Variants in DCDC1 observed in about 807,000 individuals in gnomAD.
DCDC1 encodes doublecortin domain containing 1.
DCDC1 carries 200 observed loss-of-function variants against 178.3 expected under a neutral mutation model. That is an observed-to-expected ratio of 1.12 (90% confidence interval 1.00 to 1.26). The LOEUF (loss-of-function observed/expected upper bound fraction) is 1.26, where lower values mean the gene tolerates loss of function less well. Among genes scored for constraint, DCDC1 ranks in the 50% most tolerant of loss-of-function variants. DCDC1 has a pLI of 0.00. For synonymous variants in DCDC1, 690 were observed against 604.8 expected (o/e 1.14, Z -2.07); for missense variants, 1,983 against 1,749.2 (o/e 1.13, Z -2.38).
intron 20 of DCDC1, among the ~76,000 whole-genome samples, chr11:31,023,915 G>T (rs1953057382): frequency 6.6e-6 from 1 of 151,888 alleles, no homozygotes; most frequent in Non-Finnish European, 1.5e-5. Context: ...GTTGAATTTG[G>T]GAAGGAAATC....
chr11:31,268,318 T>A (rs1945316799), intron 7 of DCDC1, among the ~76,000 whole-genome samples: 1 of 152,158 alleles, frequency 6.6e-6, no homozygotes, highest in East Asian at 1.9e-4. Flanking sequence ...TTCAGTAATT[T>A]AAAAAAATTA....
chr11:31,066,053 T>C (rs1956232735), intron 18 of DCDC1, among the ~76,000 whole-genome samples: 1 of 152,202 alleles, frequency 6.6e-6, no homozygotes, highest in Admixed American at 6.5e-5. Flanking sequence ...TTCAGGCTAA[T>C]ATGACCCTTC....
chr11:31,366,304 G>A (rs1186069395), intron 1 of DCDC1, among the ~76,000 whole-genome samples: 1 of 152,108 alleles, frequency 6.6e-6, no homozygotes, highest in Non-Finnish European at 1.5e-5. Flanking sequence ...ATAAGATACT[G>A]AGAAACAAAA....
At chr11:30,899,873 C>T (rs529745294) in intron 33 of DCDC1, among the ~76,000 whole-genome samples, 19 of 152,152 alleles carry the variant, frequency 1.2e-4, no homozygotes, top group African/African-American at 4.6e-4. Context: ...TATAGATTTA[C>T]CATATGCAAT....
intron 1 of DCDC1, among the ~76,000 whole-genome samples, chr11:31,343,973 T>C (rs1489597945): frequency 6.6e-6 from 1 of 152,088 alleles, no homozygotes; most frequent in African/African-American, 2.4e-5. Context: ...TTCAAGATGC[T>C]TTCAGTAGGA....
chr11:31,111,549 T>C (rs1322751048), intron 11 of DCDC1, among the ~76,000 whole-genome samples: 1 of 152,146 alleles, frequency 6.6e-6, no homozygotes, highest in Non-Finnish European at 1.5e-5. Context: ...TATTTTTAAG[T>C]AATAATCCTG....
At chr11:30,869,803 C>T (rs1350659907) in intron 38 of DCDC1, among the ~76,000 whole-genome samples, 1 of 152,150 alleles carries the variant, frequency 6.6e-6, no homozygotes, top group Non-Finnish European at 1.5e-5. Flanking sequence ...CAGGGGACCT[C>T]CGGATTCCAA....
chr11:31,151,039 G>GCCTA (rs1306036897), intron 9 of DCDC1, among the ~76,000 whole-genome samples: 2 of 152,316 alleles, frequency 1.3e-5, no homozygotes, highest in East Asian at 3.9e-4. Context: ...GATACTCACT[G>GCCTA]CCTACTCTGT....
chr11:31,174,576 A>C (rs977676476), intron 9 of DCDC1, among the ~76,000 whole-genome samples: 2 of 152,186 alleles, frequency 1.3e-5, no homozygotes, highest in Non-Finnish European at 1.5e-5. Flanking sequence ...ACTCAGGGAA[A>C]ACCTGAAGCC....
At chr11:31,367,682 T>G (rs1337654484) in intron 1 of DCDC1, among the ~76,000 whole-genome samples, 1 of 152,236 alleles carries the variant, frequency 6.6e-6, no homozygotes, top group African/African-American at 2.4e-5. Context: ...ACATACCAGC[T>G]TTTGAAGACT....
At chr11:31,283,363 A>G in intron 7 of DCDC1, among the ~76,000 whole-genome samples, 1 of 95,610 alleles carries the variant, frequency 1.0e-5, no homozygotes, top group Non-Finnish European at 2.4e-5. Context: ...TGTTAAACCC[A>G]GGTTTTTTTT....
At chr11:31,355,110 G>C (rs980270185) in intron 1 of DCDC1, among the ~76,000 whole-genome samples, 1 of 152,138 alleles carries the variant, frequency 6.6e-6, no homozygotes, top group African/African-American at 2.4e-5. Context: ...GCTAGAGAGG[G>C]TAATCAATAT....
rs200646136 is a variant in DCDC1 at position 30,965,909 on chromosome 11, T to C, written c.2592-13341A>G. On this transcript the variant is annotated intron_variant, in intron 20 of 38. Coordinates refer to ENST00000684477, the MANE Select transcript of DCDC1 (RefSeq NM_001387274.1). The stretch of plus-strand genomic sequence containing the variant: ...GAATGATGGTTTCCAATTTCATCCA[T>C]GTCCCTACAAAGGACATGAACTCAT... Among the ~76,000 whole-genome samples the C allele has an allele frequency of 5.0e-4, 47 of 94,040 alleles. 1 individual carries two copies. The highest frequency in any genetic ancestry group is 5.7e-4 in the Non-Finnish European group (27 of 47,388). 61.7% of individuals were successfully genotyped at this position (94,040 alleles called of 152,430 possible).
Position 30,936,417 on chromosome 11 carries a change from T to C in DCDC1, c.2716-4465A>G, listed in dbSNP as rs186462677. Reference sequence around the variant, plus strand: ...AGAGTTTGATTTATTCTTTCTACCTTTCCAGAGGAAGGGGGATGCCAAGGG... The same window carrying C: ...AGAGTTTGATTTATTCTTTCTACCTCTCCAGAGGAAGGGGGATGCCAAGGG... On this transcript the variant is annotated intron_variant, in intron 21 of 38. Transcript: ENST00000684477. Among the ~76,000 whole-genome samples the C allele has an allele frequency of 1.4e-3, 219 of 152,296 alleles. 1 individual carries two copies. The highest frequency in any genetic ancestry group is 4.7e-3 in the African/African-American group (194 of 41,572).
At chr11:31,034,352 T>G (rs1953877943) in intron 20 of DCDC1, among the ~76,000 whole-genome samples, 1 of 152,094 alleles carries the variant, frequency 6.6e-6, no homozygotes, top group African/African-American at 2.4e-5. Flanking sequence ...AAAAATATTT[T>G]TTATGAATTT....
intron 9 of DCDC1, among the ~76,000 whole-genome samples, chr11:31,167,418 C>A (rs1966846325): frequency 6.6e-6 from 1 of 152,018 alleles, no homozygotes; most frequent in African/African-American, 2.4e-5. Context: ...TTCATGAGTT[C>A]TTTTTTCCCT....
chr11:31,305,010 TGAAATGTTGGAA>T (rs977245083), intron 6 of DCDC1, among the ~76,000 whole-genome samples: 4 of 152,166 alleles, frequency 2.6e-5, no homozygotes, highest in Non-Finnish European at 4.4e-5. Context: ...TCCACATTTC[TGAAATGTTGGAA>T]GAAATGAACT....
chr11:31,344,253 G>A (rs189612001), intron 1 of DCDC1, among the ~76,000 whole-genome samples: 6 of 152,208 alleles, frequency 3.9e-5, no homozygotes, highest in East Asian at 3.9e-4. Flanking sequence ...TAAAGAATAC[G>A]GATAAAGGCA....
intron 7 of DCDC1, among the ~76,000 whole-genome samples, chr11:31,285,610 A>T (rs1394984234): frequency 6.6e-6 from 1 of 151,984 alleles, no homozygotes; most frequent in African/African-American, 2.4e-5. Context: ...AATTTTCTTA[A>T]TTTTTTGTTT....
Sources: gnomAD v4.1 joint callset for allele counts (sites outside exome capture counted in the v4.1 genomes callset) on GRCh38, gnomAD v4.1.1 for gene constraint, MANE v1.5 for transcripts, NCBI Gene and HGNC (gene_info 2026-07-23, HGNC 2026-07-21) for gene names.